Variants in TTC29 observed in about 807,000 individuals in gnomAD.
TTC29 encodes the protein tetratricopeptide repeat domain 29.
A neutral mutation model predicts 58.1 loss-of-function variants in TTC29; 49 were observed. That is an observed-to-expected ratio of 0.84 (90% CI 0.67 to 1.07). The LOEUF (loss-of-function observed/expected upper bound fraction) is 1.07, where lower values mean the gene tolerates loss of function less well. TTC29 is among the 50% of genes least tolerant of loss of function. TTC29 has a pLI of 0.00. For missense variants in TTC29, 582 were observed against 555.6 expected, an observed-to-expected ratio of 1.05 and a Z score of -0.48; for synonymous variants, 209 against 196.8, an observed-to-expected ratio of 1.06 and a Z score of -0.52.
At chr4:146,889,608 G>A (rs1732218139) in intron 6 of TTC29, among the ~76,000 whole-genome samples, 1 of 152,030 alleles carries the variant, frequency 6.6e-6, no homozygotes, top group African/African-American at 2.4e-5. Context: ...AAACTGATAT[G>A]TCCTTTGCAT....
Position 146,836,986 on chromosome 4 carries a change from A to G in TTC29, c.886-3089T>C, listed in dbSNP as rs908916342. On this transcript the variant is annotated intron_variant, in intron 8 of 12. Coordinates refer to ENST00000325106, the MANE Select transcript of TTC29 (RefSeq NM_031956.4). ...AACTACCATTCAACCCAGCAATCCC[A>G]TTACTAGGTATATACCCAGAGGAAT... 3.9e-5 allele frequency among the ~76,000 whole-genome samples: 6 copies of G among 152,140 alleles called. No homozygotes were observed. In the South Asian group the frequency reaches 6.2e-4, roughly 16 times the overall value.
chr4:146,901,505 C>A (rs190917530), intron 6 of TTC29, among the ~76,000 whole-genome samples: 5 of 152,310 alleles, frequency 3.3e-5, no homozygotes, highest in African/African-American at 1.2e-4. Flanking sequence ...CTACAAGCCC[C>A]AGTGTGATCT....
intron 11 of TTC29, among the ~76,000 whole-genome samples, chr4:146,762,270 T>TAATGGTGGTA (rs1462214210): frequency 6.6e-6 from 1 of 151,942 alleles, no homozygotes; most frequent in African/African-American, 2.4e-5. Context: ...TATGTGAATT[T>TAATGGTGGTA]AATGGTGGTA....
intron 11 of TTC29, among the ~76,000 whole-genome samples, chr4:146,741,851 C>T (rs757496887): frequency 2.6e-5 from 4 of 152,144 alleles, no homozygotes; most frequent in African/African-American, 9.7e-5. Flanking sequence ...GAAGCTTCTC[C>T]TAAGTTAGGT....
At chr4:146,853,940 T>C (rs68011593) in intron 8 of TTC29, among the ~76,000 whole-genome samples, 15,471 of 152,034 alleles carry the variant, frequency 0.1, 943 homozygotes, top group East Asian at 0.2. Context: ...GCTGGGCTCA[T>C]GGTAAACTGG....
chr4:146,768,585 A>G (rs1168191097), intron 11 of TTC29, among the ~76,000 whole-genome samples: 2 of 151,980 alleles, frequency 1.3e-5, no homozygotes, highest in Non-Finnish European at 2.9e-5. Context: ...CCCTCCATTA[A>G]CACAACTAGG....
chr4:146,787,787 G>A (rs1465180219), intron 11 of TTC29, among the ~76,000 whole-genome samples: 1 of 152,160 alleles, frequency 6.6e-6, no homozygotes, highest in African/African-American at 2.4e-5. Flanking sequence ...TCTGCTTAAT[G>A]GGTTGGTATT....
chr4:146,802,852 G>A (rs1454530093), intron 11 of TTC29, among the ~76,000 whole-genome samples: 2 of 152,040 alleles, frequency 1.3e-5, no homozygotes, highest in Non-Finnish European at 2.9e-5. Flanking sequence ...TTCTTAACTG[G>A]GAACTAGAGC....
chr4:146,796,354 C>CA (rs1749834725), intron 11 of TTC29, among the ~76,000 whole-genome samples: 1 of 151,806 alleles, frequency 6.6e-6, no homozygotes, highest in Admixed American at 6.6e-5. Flanking sequence ...ATTTAAAGAA[C>CA]AAAAAAAGGA....
At chr4:146,910,313 T>A (rs1733814935) in intron 4 of TTC29, among the ~76,000 whole-genome samples, 7 of 152,008 alleles carry the variant, frequency 4.6e-5, no homozygotes. Flanking sequence ...TGAAATTAGG[T>A]ATGTGAGAAT....
chr4:146,847,705 G>A (rs1242301501), intron 8 of TTC29, among the ~76,000 whole-genome samples: 1 of 152,218 alleles, frequency 6.6e-6, no homozygotes, highest in African/African-American at 2.4e-5. Flanking sequence ...AAGACATGCC[G>A]AGGTGGAGAA....
chr4:146,937,138 A>C (rs1433360599), intron 4 of TTC29, among the ~76,000 whole-genome samples: 1 of 152,068 alleles, frequency 6.6e-6, no homozygotes, highest in African/African-American at 2.4e-5. Flanking sequence ...GAATTATTTA[A>C]AAATTAACCA....
chr4:146,754,343 T>A (rs1746268101), intron 11 of TTC29, among the ~76,000 whole-genome samples: 1 of 151,974 alleles, frequency 6.6e-6, no homozygotes, highest in Non-Finnish European at 1.5e-5. Flanking sequence ...AAAGCCCAGA[T>A]AGCATACCAG....
At chr4:146,822,192 G>A (rs1298343225) in intron 9 of TTC29, among the ~76,000 whole-genome samples, 1 of 150,422 alleles carries the variant, frequency 6.6e-6, no homozygotes, top group Non-Finnish European at 1.5e-5. Flanking sequence ...GGCCATGGTG[G>A]TTTGCTGCAC....
At chr4:146,790,453 C>T (rs1348514186) in intron 11 of TTC29, among the ~76,000 whole-genome samples, 1 of 152,064 alleles carries the variant, frequency 6.6e-6, no homozygotes, top group African/African-American at 2.4e-5. Context: ...TCCCAAAGTG[C>T]TGAGATTACA....
chr4:146,776,265 C>T (rs1408066899), intron 11 of TTC29, among the ~76,000 whole-genome samples: 1 of 152,128 alleles, frequency 6.6e-6, no homozygotes, highest in African/African-American at 2.4e-5. Context: ...TCACTCCTAT[C>T]CATATTCTGA....
chr4:146,820,956 T>C (rs895870648), intron 9 of TTC29, among the ~76,000 whole-genome samples: 2 of 151,378 alleles, frequency 1.3e-5, no homozygotes, highest in African/African-American at 4.9e-5. Flanking sequence ...GGCATGAACC[T>C]GGGAGGCGGA....
intron 8 of TTC29, among the ~76,000 whole-genome samples, chr4:146,854,709 G>T (rs1037175385): frequency 5.3e-5 from 8 of 152,150 alleles, no homozygotes; most frequent in African/African-American, 1.9e-4. Flanking sequence ...CTCTTGGAAT[G>T]ATGGCCACAC....
intron 6 of TTC29, among the ~76,000 whole-genome samples, chr4:146,900,386 A>C (rs1032808798): frequency 3.9e-5 from 6 of 152,178 alleles, no homozygotes; most frequent in Admixed American, 2.0e-4. Context: ...ATGAAATATG[A>C]GTGTATTTCA....
Sources: allele counts gnomAD v4.1 joint callset (sites outside exome capture counted in the v4.1 genomes callset), GRCh38; gene constraint gnomAD v4.1.1; transcripts MANE v1.5; gene names NCBI Gene and HGNC (gene_info 2026-07-23, HGNC 2026-07-21).